CUL1: variants seen among roughly 807,000 people sequenced by gnomAD.
CUL1 encodes the protein cullin 1, also known as cullin-1.
A neutral mutation model predicts 118.0 loss-of-function variants in CUL1; 24 were observed. The observed-to-expected ratio is 0.20, with a 90% CI of 0.15 to 0.29. The LOEUF is 0.29. Ranked by LOEUF, CUL1 falls within the 10% of genes least tolerant of loss-of-function variation. The pLI, the probability that CUL1 is intolerant of heterozygous loss-of-function variation, is 1.00. For synonymous variants in CUL1, 332 were observed against 340.4 expected (o/e 0.98, Z 0.27); for missense variants, 361 against 933.8 (o/e 0.39, Z 7.99).
intron 3 of CUL1, among the ~76,000 whole-genome samples, chr7:148,755,711 G>A (rs1799633334): frequency 6.6e-6 from 1 of 152,160 alleles, no homozygotes; most frequent in South Asian, 2.1e-4. Context: ...TTTTAAAAAG[G>A]TCAAGTACCA....
intron 2 of CUL1, among the ~76,000 whole-genome samples, chr7:148,738,872 C>T (rs931777133): frequency 5.9e-5 from 9 of 151,964 alleles, no homozygotes; most frequent in African/African-American, 2.2e-4. Context: ...AGTCATAGTT[C>T]GTTTTTCTAC....
chr7:148,759,690 A>G, intron 6 of CUL1, 52 bp downstream of exon 6: 2 of 941,732 alleles, frequency 2.1e-6, no homozygotes, highest in Admixed American at 4.5e-5. Flanking sequence ...AATGGCAATT[A>G]CAACAATGCT....
upstream of CUL1, chr7:148,698,212 C>A (rs1014549085): frequency 1.3e-5 from 2 of 152,220 alleles, no homozygotes; most frequent in Non-Finnish European, 2.9e-5. Context: ...CCACCTCTGA[C>A]TTTCTGATCT....
At chr7:148,791,334 C>G (rs1339599970) in intron 16 of CUL1, among the ~76,000 whole-genome samples, 1 of 152,228 alleles carries the variant, frequency 6.6e-6, no homozygotes, top group African/African-American at 2.4e-5. Flanking sequence ...ATGGGTTGTT[C>G]TGCAGACTCA....
intron 2 of CUL1, among the ~76,000 whole-genome samples, chr7:148,732,426 T>C (rs938817947): frequency 6.7e-6 from 1 of 149,598 alleles, no homozygotes; most frequent in African/African-American, 2.5e-5. Context: ...CACTGCAACC[T>C]CTGTCTCCCA....
At chr7:148,733,713 T>C (rs1798846050) in intron 2 of CUL1, among the ~76,000 whole-genome samples, 1 of 152,156 alleles carries the variant, frequency 6.6e-6, no homozygotes, top group Non-Finnish European at 1.5e-5. Flanking sequence ...TAGACATGCC[T>C]CATCAGCAGT....
chr7:148,713,589 A>T (rs1218421367), intron 1 of CUL1, among the ~76,000 whole-genome samples: 1 of 152,194 alleles, frequency 6.6e-6, no homozygotes, highest in Non-Finnish European at 1.5e-5. Flanking sequence ...AGAGAAAAAA[A>T]ATTGTTTTCT....
At chr7:148,797,666 C>T (rs7802887) in intron 17 of CUL1, 146 bp from the exon 18 acceptor site, 423,941 of 641,880 alleles carry the variant, frequency 0.66, 140,684 homozygotes, top group Admixed American at 0.73. Context: ...GAAGTACCAA[C>T]TTTTTTTTCC....
At chr7:148,731,224 T>G (rs996799675) in intron 2 of CUL1, among the ~76,000 whole-genome samples, 2 of 152,170 alleles carry the variant, frequency 1.3e-5, no homozygotes, top group Non-Finnish European at 2.9e-5. Flanking sequence ...AATATGACAT[T>G]GAAATTAGAG....
intron 1 of CUL1, among the ~76,000 whole-genome samples, chr7:148,704,191 C>G (rs1272325030): frequency 4.8e-5 from 6 of 125,558 alleles, no homozygotes; most frequent in Non-Finnish European, 9.5e-5. Flanking sequence ...AATGGGCAAA[C>G]TGGTAATTTA....
intron 8 of CUL1, among the ~76,000 whole-genome samples, chr7:148,767,115 C>G (rs1214748997): frequency 6.6e-6 from 1 of 152,142 alleles, no homozygotes; most frequent in Non-Finnish European, 1.5e-5. Context: ...CTTCTATGGT[C>G]CTCCTAAAGT....
At chr7:148,765,463 C>G (rs1346665012) in intron 7 of CUL1, among the ~76,000 whole-genome samples, 3 of 152,024 alleles carry the variant, frequency 2.0e-5, no homozygotes, top group African/African-American at 7.2e-5. Flanking sequence ...GACCTTGTCT[C>G]TAGAAAAAAT....
chr7:148,725,374 C>CTTA (rs923169888), intron 1 of CUL1, among the ~76,000 whole-genome samples: 16 of 152,206 alleles, frequency 1.1e-4, no homozygotes, highest in Admixed American at 8.5e-4. Context: ...CCAGTGTTAG[C>CTTA]GCCATCGGGC....
chr7:148,725,612 C>CA (rs1461160608), intron 1 of CUL1, among the ~76,000 whole-genome samples: 2 of 152,320 alleles, frequency 1.3e-5, no homozygotes, highest in African/African-American at 4.8e-5. Flanking sequence ...ATCTTCCACC[C>CA]AAGCCAGGTC....
At chr7:148,756,814 T>G (rs1278628228) in intron 3 of CUL1, among the ~76,000 whole-genome samples, 169 bp from the exon 4 acceptor site, 1 of 152,240 alleles carries the variant, frequency 6.6e-6, no homozygotes, top group Non-Finnish European at 1.5e-5. Context: ...TACTATATTC[T>G]TGTGAGTTTA....
intron 2 of CUL1, among the ~76,000 whole-genome samples, chr7:148,750,963 C>T (rs184032122): frequency 1.4e-3 from 201 of 145,410 alleles, no homozygotes; most frequent in Middle Eastern, 0.01. Flanking sequence ...GCCTGGGCAA[C>T]ATAGTGAGAT....
chr7:148,766,466 GC>G (rs1435506543), intron 7 of CUL1, 94 bp from the exon 8 acceptor site: 3 of 1,071,210 alleles, frequency 2.8e-6, no homozygotes, highest in Non-Finnish European at 4.0e-6. Context: ...AATTTAATTT[GC>G]CATTTTTCAG....
At chr7:148,725,219 G>GTGTACACACACACACACA in intron 1 of CUL1, among the ~76,000 whole-genome samples, 1 of 140,060 alleles carries the variant, frequency 7.1e-6, no homozygotes, top group Non-Finnish European at 1.5e-5. Flanking sequence ...ACACGCGCGC[G>GTGTACACACACACACACA]CTCACACACA....
intron 1 of CUL1, among the ~76,000 whole-genome samples, chr7:148,717,263 G>T (rs998170805): frequency 6.6e-6 from 1 of 152,006 alleles, no homozygotes; most frequent in Non-Finnish European, 1.5e-5. Context: ...CACCATGTTG[G>T]CCAGGCTGGT....
Sources: gnomAD v4.1 joint callset for allele counts (sites outside exome capture counted in the v4.1 genomes callset) on GRCh38, gnomAD v4.1.1 for gene constraint, MANE v1.5 for transcripts, NCBI Gene and HGNC (gene_info 2026-07-23, HGNC 2026-07-21) for gene names.